PRKDC: variants seen among roughly 807,000 people sequenced by gnomAD.
The protein encoded by PRKDC is protein kinase, DNA-activated, catalytic subunit.
A neutral mutation model predicts 486.9 loss-of-function variants in PRKDC; 82 were observed. The ratio of observed to expected loss-of-function variants is 0.17; its 90% CI spans 0.14 to 0.20. The LOEUF is 0.20. PRKDC is among the 10% of genes least tolerant of loss of function. PRKDC has a pLI of 1.00. For missense variants in PRKDC, 4,504 were observed against 5,038.2 expected (o/e 0.89, Z 3.21); for synonymous variants, 1,895 against 1,837.0 (o/e 1.03, Z -0.81).
intron 69 of PRKDC, 110 bp downstream of exon 69, chr8:47,807,027 C>A: frequency 9.0e-7 from 1 of 1,112,496 alleles, no homozygotes. Flanking sequence ...AAAAAAATAA[C>A]ACCTACCAAT....
rs758214379 is a variant in PRKDC at position 47,834,051 on chromosome 8, T to C, written c.8152+145A>G. 7.9e-4 allele frequency: 796 copies of C among 1,002,830 alleles called. 1 individual carries two copies. The highest frequency in any genetic ancestry group is 1.1e-3 in the Non-Finnish European group (699 of 665,522). The allele number at this position is 1,002,830 out of a possible 1,614,324, so 62.1% of individuals were successfully genotyped here. ...AAAACAATTTCTTCAGCATGGTGAG[T>C]GCCTAGGCAACATTAACTGAATTTT... On this transcript the variant is annotated intron_variant, in intron 59 of 85. Coordinates refer to ENST00000314191, the MANE Select transcript of PRKDC (RefSeq NM_006904.7).
At chr8:47,954,503 A>G (rs2090672731) in intron 4 of PRKDC, 57 bp from the exon 5 acceptor site, 4 of 645,064 alleles carry the variant, frequency 6.2e-6, no homozygotes, top group Non-Finnish European at 9.8e-6. Flanking sequence ...AAAAAAACAC[A>G]ATACAAATTA....
At chr8:47,793,916 G>A (rs1162139168) in intron 74 of PRKDC, among the ~76,000 whole-genome samples, 2 of 152,146 alleles carry the variant, frequency 1.3e-5, no homozygotes, top group East Asian at 3.8e-4. Context: ...CCGTTTAAGA[G>A]TGGACAGGAT....
intron 19 of PRKDC, among the ~76,000 whole-genome samples, chr8:47,928,584 G>C (rs1466053397): frequency 6.7e-6 from 1 of 148,498 alleles, no homozygotes; most frequent in African/African-American, 2.5e-5. Context: ...ACACAGTCTT[G>C]CTCTGTTCCC....
intron 13 of PRKDC, 46 bp from the exon 14 acceptor site, chr8:47,935,104 CAG>C (rs1193358157): frequency 6.2e-6 from 8 of 1,286,552 alleles, no homozygotes; most frequent in Non-Finnish European, 8.5e-6. Flanking sequence ...CACTGAAAAA[CAG>C]AATCAAAACT....
intron 56 of PRKDC, 101 bp from the exon 57 acceptor site, chr8:47,837,520 A>C: frequency 1.1e-6 from 1 of 889,980 alleles, no homozygotes; most frequent in South Asian, 1.7e-5. Flanking sequence ...CTCTTCACCC[A>C]CATGAAGCTT....
At chr8:47,947,830 C>G (rs548545264) in intron 7 of PRKDC, among the ~76,000 whole-genome samples, 1 of 152,010 alleles carries the variant, frequency 6.6e-6, no homozygotes, top group Non-Finnish European at 1.5e-5. Flanking sequence ...ATCACTTGAA[C>G]GTGGGAGGCA....
At chr8:47,863,670 G>A in intron 41 of PRKDC, 93 bp from the exon 42 acceptor site, 1 of 1,085,518 alleles carries the variant, frequency 9.2e-7, no homozygotes, top group African/African-American at 1.6e-5. Context: ...ATATCCTTTA[G>A]ACAGACAGAA....
intron 85 of PRKDC, 72 bp from the exon 86 acceptor site, chr8:47,774,449 C>T (rs996106977): frequency 7.1e-7 from 1 of 1,413,954 alleles, no homozygotes; most frequent in Non-Finnish European, 9.7e-7. Context: ...CCCTAGTGAT[C>T]CTATCCAAAC....
Position 47,881,904 on chromosome 8 carries a change from T to G in PRKDC, c.4962+8A>C. 1.3e-6 allele frequency: 2 copies of G among 1,599,008 alleles called. No homozygotes were observed. The highest frequency in any genetic ancestry group is 1.7e-6 in the Non-Finnish European group (2 of 1,171,058). On this transcript the variant is annotated splice_region_variant and intron_variant, in intron 37 of 85. Transcript: ENST00000314191. ...TAAACATGACTGCTTTTTAAAGGAA[T>G]TGAATACCTGTAAAATTTTTGCCAG...
chr8:47,777,220 T>C (rs1220718852), intron 84 of PRKDC, among the ~76,000 whole-genome samples: 1 of 152,108 alleles, frequency 6.6e-6, no homozygotes, highest in Non-Finnish European at 1.5e-5. Context: ...TAATTTTTTT[T>C]TTTTTGAGGC....
At chr8:47,888,727 T>C in intron 33 of PRKDC, 77 bp from the exon 34 acceptor site, 1 of 1,456,348 alleles carries the variant, frequency 6.9e-7, no homozygotes, top group African/African-American at 1.4e-5. Flanking sequence ...AAAAAATGTT[T>C]GCACTGTTAT....
intron 59 of PRKDC, 75 bp from the exon 60 acceptor site, chr8:47,832,001 G>T: frequency 7.2e-7 from 1 of 1,381,528 alleles, no homozygotes; most frequent in East Asian, 2.3e-5. Flanking sequence ...TTCACCTCGG[G>T]TTTCCTCAAA....
intron 31 of PRKDC, 129 bp downstream of exon 31, chr8:47,893,010 C>CA (rs2089495334): frequency 1.8e-6 from 2 of 1,118,234 alleles, no homozygotes; most frequent in Non-Finnish European, 2.4e-6. Context: ...AGAGAAGTGA[C>CA]ATGAAAGCAC....
chr8:47,822,618 A>G (rs1256602221), intron 64 of PRKDC, among the ~76,000 whole-genome samples: 4 of 151,816 alleles, frequency 2.6e-5, no homozygotes, highest in South Asian at 2.1e-4. Context: ...GTGAAACCCC[A>G]TCTCTACTAA....
At chr8:47,895,358 C>T (rs1467942355) in intron 30 of PRKDC, among the ~76,000 whole-genome samples, 1 of 152,220 alleles carries the variant, frequency 6.6e-6, no homozygotes, top group Non-Finnish European at 1.5e-5. Flanking sequence ...GGGCAAGGCT[C>T]ACCTACTACC....
At chr8:47,896,502 C>G (rs547898426) in intron 30 of PRKDC, among the ~76,000 whole-genome samples, 6 of 152,236 alleles carry the variant, frequency 3.9e-5, no homozygotes, top group African/African-American at 1.4e-4. Flanking sequence ...AAAAAATTAG[C>G]CGGACGCGGT....
chr8:47,803,314 G>T lies in PRKDC; in HGVS notation c.9914C>A (p.Ser3305Tyr). 6.2e-7 allele frequency: 1 copy of T among 1,607,286 alleles called. No homozygotes were observed. The highest frequency in any genetic ancestry group is 8.5e-7 in the Non-Finnish European group (1 of 1,176,788). Reference protein sequence around the residue: ...EQVLTVLKTVSLLDENNVSSY... With the variant: ...EQVLTVLKTVYLLDENNVSSY... ...AAAAGCGGTCAACTTACCCAACAAA[G>T]AGACTGTTTTCAGCACAGTGAGCAC... The change falls in exon 70 of 86, where the codon TCT becomes TAT. Residue 3305 changes from serine to tyrosine, a missense_variant. Transcript: ENST00000314191.
intron 21 of PRKDC, 93 bp from the exon 22 acceptor site, chr8:47,918,476 C>A: frequency 1.5e-6 from 1 of 663,782 alleles, no homozygotes; most frequent in South Asian, 4.8e-5. Context: ...CAAATAGAAA[C>A]ATTAAAATCC....
Sources: gnomAD v4.1 joint callset for allele counts (sites outside exome capture counted in the v4.1 genomes callset) on GRCh38, gnomAD v4.1.1 for gene constraint, MANE v1.5 for transcripts, NCBI Gene and HGNC (gene_info 2026-07-23, HGNC 2026-07-21) for gene names.